Variants in DRG1 observed in about 807,000 individuals in gnomAD.
DRG1 encodes developmentally regulated GTP binding protein 1.
Under a neutral mutation model 38.8 loss-of-function variants are expected in DRG1, and 19 were observed. The ratio of observed to expected loss-of-function variants is 0.49; its 90% CI spans 0.34 to 0.72. DRG1 has a LOEUF of 0.72. DRG1 is among the 30% of genes least tolerant of loss of function. The pLI is 0.01. For missense variants in DRG1, 299 were observed against 444.8 expected (o/e 0.67, Z 2.95); for synonymous variants, 167 against 157.5 (o/e 1.06, Z -0.45).
At chr22:31,433,729 G>C (rs2050155475) in intron 8 of DRG1, 143 bp from the exon 9 acceptor site, 1 of 609,842 alleles carries the variant, frequency 1.6e-6, no homozygotes, top group Non-Finnish European at 2.8e-6. Flanking sequence ...AGTGTCTCAT[G>C]CTGCTAGGGA....
At chr22:31,408,752 CAAAAAAAAA>C (rs66474618) in intron 3 of DRG1, among the ~76,000 whole-genome samples, 1 of 111,484 alleles carries the variant, frequency 9.0e-6, no homozygotes, top group Non-Finnish European at 1.7e-5. Context: ...GACTCATTCT[CAAAAAAAAA>C]AAAAAAAAAA....
intron 2 of DRG1, 63 bp downstream of exon 2, chr22:31,400,806 T>TG (rs1410991117): frequency 6.4e-7 from 1 of 1,553,430 alleles, no homozygotes; most frequent in Non-Finnish European, 8.7e-7. Context: ...AGTACATACA[T>TG]GTGGTTTAAA....
In DRG1 at chr22:31,434,180, A is replaced by ACATG. The variant is rs1235005345; in HGVS notation, c.*212_*215dup. On this transcript the variant is annotated 3_prime_UTR_variant, in exon 9 of 9. Transcript: ENST00000331457. The stretch of plus-strand genomic sequence containing the variant: ...AAAAGATCTGGTAGGCTGGTCAGCT[A>ACATG]CATGCAGCTCATGTGTCATTGTCAG... 18 of 529,442 alleles carry ACATG rather than the reference A, an allele frequency of 3.4e-5. No individual in the cohort carries two copies. The Admixed American group carries it at 5.1e-4, about 15-fold the overall frequency. 32.8% of individuals were successfully genotyped at this position (529,442 alleles called of 1,614,324 possible).
chr22:31,418,357 C>G (rs576300953), intron 4 of DRG1, among the ~76,000 whole-genome samples: 1 of 152,104 alleles, frequency 6.6e-6, no homozygotes, highest in East Asian at 1.9e-4. Flanking sequence ...TTCAAGGAGA[C>G]TGAGGCAGGA....
intron 4 of DRG1, among the ~76,000 whole-genome samples, chr22:31,418,547 A>G (rs1569048869): frequency 6.6e-6 from 1 of 151,946 alleles, no homozygotes; most frequent in Non-Finnish European, 1.5e-5. Context: ...TCTGTTGCCC[A>G]GGCTGGCTGG....
chr22:31,433,011 T>G (rs2050149629), intron 8 of DRG1, among the ~76,000 whole-genome samples: 1 of 152,030 alleles, frequency 6.6e-6, no homozygotes, highest in African/African-American at 2.4e-5. Flanking sequence ...AACATATTCT[T>G]AAGTTTGGAG....
chr22:31,399,675 C>G lies in DRG1; in HGVS notation c.-9C>G, dbSNP rs760246786. ...GAGACAGTGTGGAGGCCACAGGGTA[C>G]TCGCCACGATGAGCAGCACCTTAGC... On this transcript the variant is annotated 5_prime_UTR_variant, in exon 1 of 9. Transcript: ENST00000331457. 13 of 1,613,956 alleles carry G rather than the reference C, an allele frequency of 8.1e-6. No individual in the cohort carries two copies. The East Asian group carries it at 2.2e-4, about 28-fold the overall frequency.
rs201345396 is a variant in DRG1 at position 31,400,573 on chromosome 22, G to A, written c.43-47G>A. Reference sequence around the variant, plus strand: ...AAAAATTATCCTCTCAAAGCTGGGGGAAGCGTTCACTGCTTCTAATTTATG... The same window carrying A: ...AAAAATTATCCTCTCAAAGCTGGGGAAAGCGTTCACTGCTTCTAATTTATG... On this transcript the variant is annotated intron_variant, in intron 1 of 8. Coordinates refer to ENST00000331457, the MANE Select transcript of DRG1 (RefSeq NM_004147.4). 7 of 1,597,414 alleles carry A rather than the reference G, an allele frequency of 4.4e-6. No individual in the cohort carries two copies. The East Asian group carries it at 1.6e-4, about 36-fold the overall frequency.
Position 31,434,185 on chromosome 22 carries a change from C to G in DRG1, c.*214C>G. On this transcript the variant is annotated 3_prime_UTR_variant, in exon 9 of 9. Coordinates refer to ENST00000331457, the MANE Select transcript of DRG1 (RefSeq NM_004147.4). Reference sequence around the variant, plus strand: ...ATCTGGTAGGCTGGTCAGCTACATGCAGCTCATGTGTCATTGTCAGAATTT... The same window carrying G: ...ATCTGGTAGGCTGGTCAGCTACATGGAGCTCATGTGTCATTGTCAGAATTT... The G allele has an allele frequency of 1.9e-6, 1 of 520,168 alleles. No individual in the cohort carries two copies. Among genetic ancestry groups the G allele is most frequent in the Non-Finnish European group, 3.5e-6 (1 of 285,840 alleles). The allele number at this position is 520,168 out of a possible 1,614,324, so 32.2% of individuals were successfully genotyped here. A position where few individuals can be genotyped will look rare whatever the true frequency, so the allele number is the denominator to read the frequency against.
intron 3 of DRG1, among the ~76,000 whole-genome samples, chr22:31,406,039 G>A (rs1244355704): frequency 1.7e-5 from 2 of 115,302 alleles, no homozygotes; most frequent in African/African-American, 6.7e-5. Flanking sequence ...AAGTCTCATT[G>A]TGTTGCCCAA....
rs1353390398 is a variant in DRG1, at chr22:31,434,094, G to A, written c.*123G>A. 2.4e-6 allele frequency: 2 copies of A among 833,606 alleles called. No individual in the cohort carries two copies. Among genetic ancestry groups the A allele is most frequent in the African/African-American group, 1.7e-5 (1 of 58,480 alleles). The allele number at this position is 833,606 out of a possible 1,614,324, so 51.6% of individuals were successfully genotyped here. On this transcript the variant is annotated 3_prime_UTR_variant, in exon 9 of 9. Coordinates refer to ENST00000331457, the MANE Select transcript of DRG1 (RefSeq NM_004147.4). ...TCAGGATCCAGGGGAGGGAGATGGAGGCACCCAAACTGGAACTTCATTTGT... is the reference window on the plus strand; with the variant it reads ...TCAGGATCCAGGGGAGGGAGATGGAAGCACCCAAACTGGAACTTCATTTGT...
At chr22:31,411,526 TTTTC>T in intron 4 of DRG1, among the ~76,000 whole-genome samples, 1 of 140,834 alleles carries the variant, frequency 7.1e-6, no homozygotes, top group Non-Finnish European at 1.6e-5. Flanking sequence ...TTTTTCTGTC[TTTTC>T]TTTTTTTTTT....
At chr22:31,402,986 T>TGG (rs1445190543) in intron 2 of DRG1, 43 bp from the exon 3 acceptor site, 3 of 1,582,150 alleles carry the variant, frequency 1.9e-6, no homozygotes, top group Non-Finnish European at 2.6e-6. Context: ...CTTAACACTC[T>TGG]GGGGGATAAC....
intron 8 of DRG1, 43 bp from the exon 9 acceptor site, chr22:31,433,829 A>G (rs780531279): frequency 1.3e-6 from 2 of 1,573,660 alleles, no homozygotes; most frequent in Non-Finnish European, 1.7e-6. Flanking sequence ...GGCAGAAGCT[A>G]GGTTATTATT....
In DRG1 at chr22:31,433,915, G is replaced by A; in HGVS notation, c.1048G>A (p.Val350Met). ...GLSVKHNPQK[V>M]GKDHTLEDED... is the part of the protein sequence containing the mutation. ...CTCTGTGAAACACAATCCTCAGAAA[G>A]TGGGTAAAGACCATACGTTGGAGGA... is the stretch of plus-strand genomic sequence containing the variant. The change falls in exon 9 of 9, where the codon GTG becomes ATG. Residue 350 changes from valine to methionine, a missense_variant. This residue lies in a region of DRG1 where 198 missense variants were observed against 268.1 expected (regional missense o/e 0.74). Coordinates refer to ENST00000331457, the MANE Select transcript of DRG1 (RefSeq NM_004147.4). The A allele has an allele frequency of 6.2e-7, 1 of 1,614,142 alleles. No homozygotes were observed. Among genetic ancestry groups the A allele is most frequent in the Non-Finnish European group, 8.5e-7 (1 of 1,179,988 alleles).
intron 8 of DRG1, 67 bp from the exon 9 acceptor site, chr22:31,433,805 A>G (rs2050156068): frequency 7.0e-7 from 1 of 1,436,254 alleles, no homozygotes; most frequent in Non-Finnish European, 9.8e-7. Context: ...GAAGGGTGGC[A>G]TCCAGGCAAA....
At chr22:31,432,575 G>A (rs936345552) in intron 8 of DRG1, among the ~76,000 whole-genome samples, 2 of 152,034 alleles carry the variant, frequency 1.3e-5, no homozygotes, top group African/African-American at 4.8e-5. Flanking sequence ...ATAGGTGCGC[G>A]CTACCACGCC....
chr22:31,423,158 G>A (rs2050086203), intron 5 of DRG1, 122 bp from the exon 6 acceptor site: 2 of 1,224,438 alleles, frequency 1.6e-6, no homozygotes, highest in Non-Finnish European at 2.3e-6. Flanking sequence ...CACTCATCCC[G>A]GATGTATTTA....
intron 4 of DRG1, 141 bp downstream of exon 4, chr22:31,411,222 G>C: frequency 1.2e-6 from 1 of 838,682 alleles, no homozygotes; most frequent in Non-Finnish European, 1.9e-6. Context: ...GTTGAAGCTT[G>C]AAGGGACCTC....
Sources: allele counts gnomAD v4.1 joint callset (sites outside exome capture counted in the v4.1 genomes callset), GRCh38; gene constraint gnomAD v4.1.1; regional missense constraint gnomAD v4.1.1; transcripts MANE v1.5; gene names NCBI Gene and HGNC (gene_info 2026-07-23, HGNC 2026-07-21).